Variants in PRDM12 observed in about 807,000 individuals in gnomAD.
PRDM12 encodes PR domain zinc finger protein 12.
PRDM12 carries 17 observed loss-of-function variants against 29.6 expected under a neutral mutation model. The ratio of observed to expected loss-of-function variants is 0.57; its 90% CI spans 0.39 to 0.86. The LOEUF is 0.86. Among genes scored for constraint, PRDM12 ranks in the 40% least tolerant of loss-of-function variants. The probability of loss-of-function intolerance (pLI) is 0.00; values close to 1 mark genes in which losing one functional copy is unlikely to be tolerated. For synonymous variants in PRDM12, 231 were observed against 225.8 expected, an observed-to-expected ratio of 1.02 and a Z score of -0.21; for missense variants, 422 against 510.8, an observed-to-expected ratio of 0.83 and a Z score of 1.68.
chr9:130,667,858 G>C (rs1195557192), intron 2 of PRDM12, among the ~76,000 whole-genome samples: 1 of 152,140 alleles, frequency 6.6e-6, no homozygotes, highest in African/African-American at 2.4e-5. Flanking sequence ...CACTTTGTCT[G>C]GGCAGTGATC....
intron 3 of PRDM12, among the ~76,000 whole-genome samples, chr9:130,677,757 C>G (rs542360005): frequency 6.6e-6 from 1 of 152,300 alleles, no homozygotes; most frequent in South Asian, 2.1e-4. Context: ...GAAGCAGGCC[C>G]CTTACGCCTC....
rs1442337132 is a variant in PRDM12, at chr9:130,682,037, C to T, written c.*368C>T. The T allele has an allele frequency of 6.6e-6, 1 of 152,256 alleles. No homozygotes were observed. Among genetic ancestry groups the T allele is most frequent in the Non-Finnish European group, 1.5e-5 (1 of 68,092 alleles). 9.4% of individuals were successfully genotyped at this position (152,256 alleles called of 1,614,324 possible). A position where few individuals can be genotyped will look rare whatever the true frequency, so the allele number is the denominator to read the frequency against. ...GCGGACTTAGAGCCCCCGAGGGCCC[C>T]TCAGCAGAGGAAGGGGAGTCCCCTC... On this transcript the variant is annotated 3_prime_UTR_variant, in exon 5 of 5. Coordinates refer to ENST00000253008, the MANE Select transcript of PRDM12 (RefSeq NM_021619.3). The surrounding 1 kb of genome is among the most constrained non-coding windows in gnomAD (Gnocchi z 4.2).
chr9:130,671,030 T>C (rs1830784378), intron 3 of PRDM12, among the ~76,000 whole-genome samples: 1 of 152,168 alleles, frequency 6.6e-6, no homozygotes, highest in Non-Finnish European at 1.5e-5. Flanking sequence ...CATCTACATT[T>C]GATCATGAAT....
At chr9:130,669,142 A>G (rs916867396) in intron 3 of PRDM12, among the ~76,000 whole-genome samples, 2 of 151,910 alleles carry the variant, frequency 1.3e-5, no homozygotes, top group African/African-American at 4.8e-5. Context: ...CCTGGCTAAC[A>G]TGGTGAAACC....
chr9:130,676,643 G>A (rs535064976), intron 3 of PRDM12, among the ~76,000 whole-genome samples: 1 of 152,218 alleles, frequency 6.6e-6, no homozygotes, highest in Non-Finnish European at 1.5e-5. Flanking sequence ...GGTCACCAGG[G>A]ATCTCGCTGT....
intron 3 of PRDM12, among the ~76,000 whole-genome samples, chr9:130,677,350 G>A (rs1256777239): frequency 6.6e-6 from 1 of 152,220 alleles, no homozygotes; most frequent in Non-Finnish European, 1.5e-5. Flanking sequence ...TCTGCAGGCT[G>A]AACCAAGCAG....
chr9:130,678,783 A>T, intron 4 of PRDM12, 143 bp downstream of exon 4: 1 of 671,110 alleles, frequency 1.5e-6, no homozygotes, highest in Non-Finnish European at 2.5e-6. Context: ...AGCAGATCAG[A>T]CATACAGGTC....
rs1211809738 is a variant in PRDM12, at chr9:130,664,902, G to T, written c.223+26G>T. 1 of 1,503,004 alleles carries T rather than the reference G, an allele frequency of 6.7e-7. No individual in the cohort carries two copies. Among genetic ancestry groups the T allele is most frequent in the Non-Finnish European group, 8.9e-7 (1 of 1,120,604 alleles). The allele number at this position is 1,503,004 out of a possible 1,614,324, so 93.1% of individuals were successfully genotyped here. A position where few individuals can be genotyped will look rare whatever the true frequency, so the allele number is the denominator to read the frequency against. Reference sequence around the variant, plus strand: ...GTGAGTCCAGCCGTCGGAGCCCGGCGCAATCCCTCCTCCCGGCGACCCCCA... The same window carrying T: ...GTGAGTCCAGCCGTCGGAGCCCGGCTCAATCCCTCCTCCCGGCGACCCCCA... On this transcript the variant is annotated intron_variant, in intron 1 of 4. Coordinates refer to ENST00000253008, the MANE Select transcript of PRDM12 (RefSeq NM_021619.3). This position sits in a 1 kb window ranked among gnomAD's most constrained non-coding sequence, Gnocchi z 6.4.
chr9:130,666,815 G>A lies in PRDM12; in HGVS notation c.414+17G>A, dbSNP rs1830737840. The A allele has an allele frequency of 8.9e-6, 14 of 1,575,036 alleles. No individual in the cohort carries two copies. Among genetic ancestry groups the A allele is most frequent in the South Asian group, 1.1e-5 (1 of 87,784 alleles). On this transcript the variant is annotated intron_variant, in intron 2 of 4. Coordinates refer to ENST00000253008, the MANE Select transcript of PRDM12 (RefSeq NM_021619.3). Reference sequence around the variant, plus strand: ...ATGTGGGAGGTACGCGCGGGCTGGGGCAGAGGGGCGCAAGGGCCGGCGAGG... The same window carrying A: ...ATGTGGGAGGTACGCGCGGGCTGGGACAGAGGGGCGCAAGGGCCGGCGAGG...
chr9:130,676,231 C>T (rs539125769), intron 3 of PRDM12, among the ~76,000 whole-genome samples: 3 of 152,256 alleles, frequency 2.0e-5, no homozygotes, highest in South Asian at 2.1e-4. Flanking sequence ...TGGCTCACAC[C>T]TGTAATCCCA....
Position 130,681,790 on chromosome 9 carries a change from T to G in PRDM12, c.*121T>G. On this transcript the variant is annotated 3_prime_UTR_variant, in exon 5 of 5. Coordinates refer to ENST00000253008, the MANE Select transcript of PRDM12 (RefSeq NM_021619.3). This position sits in a 1 kb window ranked among gnomAD's most constrained non-coding sequence, Gnocchi z 8.1. ...GGCGCCGCCGCGGAGCCCCGCGCGC[T>G]GGGGTTGCGCCCCGGAGGCGGATCT... 1 of 892,046 alleles carries G rather than the reference T, an allele frequency of 1.1e-6. No individual in the cohort carries two copies. The highest frequency in any genetic ancestry group is 1.3e-6 in the Non-Finnish European group (1 of 745,122). The allele number at this position is 892,046 out of a possible 1,614,324, so 55.3% of individuals were successfully genotyped here.
intron 3 of PRDM12, among the ~76,000 whole-genome samples, chr9:130,676,035 G>A (rs1300563334): frequency 6.6e-6 from 1 of 152,186 alleles, no homozygotes; most frequent in Non-Finnish European, 1.5e-5. Flanking sequence ...TGGACCTGGT[G>A]ACAGAGGGCT....
chr9:130,667,844 G>A (rs888656483), intron 2 of PRDM12, among the ~76,000 whole-genome samples: 1 of 152,150 alleles, frequency 6.6e-6, no homozygotes. Flanking sequence ...AGAGAGCTCA[G>A]GGCCACTTTG....
chr9:130,668,805 T>A lies in PRDM12; in HGVS notation c.570+492T>A, dbSNP rs1001877238. ...CTCCAGACTCAGCGATGGCTCCCCG[T>A]GTGTCAGGCTTCTCCCAGATGCTGG... On this transcript the variant is annotated intron_variant, in intron 3 of 4. Transcript: ENST00000253008. The surrounding 1 kb of genome is among the most constrained non-coding windows in gnomAD (Gnocchi z 4.0). Among the ~76,000 whole-genome samples the A allele has an allele frequency of 6.6e-6, 1 of 152,146 alleles. No homozygotes were observed. Among genetic ancestry groups the A allele is most frequent in the Non-Finnish European group, 1.5e-5 (1 of 68,028 alleles).
In PRDM12 at chr9:130,668,283, C is replaced by A; in HGVS notation, c.540C>A (p.Ile180=). Residue 180 remains isoleucine (I), a synonymous_variant, in exon 3 of 5, where the codon ATC becomes ATA. Coordinates refer to ENST00000253008, the MANE Select transcript of PRDM12 (RefSeq NM_021619.3). This position sits in a 1 kb window ranked among gnomAD's most constrained non-coding sequence, Gnocchi z 4.0. ...EQEQNLEVVQ[I]GTSIFYKAIE... is the part of the protein sequence containing the mutation. ...AGCAGAACCTGGAGGTGGTCCAGAT[C>A]GGCACCAGCATCTTCTACAAGGCCA... is the stretch of plus-strand genomic sequence containing the variant. 1 of 1,614,052 alleles carries A rather than the reference C, an allele frequency of 6.2e-7. No individual in the cohort carries two copies. Among genetic ancestry groups the A allele is most frequent in the Non-Finnish European group, 8.5e-7 (1 of 1,180,010 alleles).
chr9:130,668,367 G>C lies in PRDM12; in HGVS notation c.570+54G>C. On this transcript the variant is annotated intron_variant, in intron 3 of 4. Transcript: ENST00000253008. The surrounding 1 kb of genome is among the most constrained non-coding windows in gnomAD (Gnocchi z 4.0). ...AGGGACCAGCCGGTAAACCCGGCGG[G>C]GGGAGGTGTGCAGGGCAGCGGTGTC... The C allele has an allele frequency of 6.2e-7, 1 of 1,605,970 alleles. No homozygotes were observed. Among genetic ancestry groups the C allele is most frequent in the Non-Finnish European group, 8.5e-7 (1 of 1,174,108 alleles).
chr9:130,673,305 G>C (rs1033325768), intron 3 of PRDM12, among the ~76,000 whole-genome samples: 1 of 152,206 alleles, frequency 6.6e-6, no homozygotes, highest in African/African-American at 2.4e-5. Context: ...CAGGGAAGAA[G>C]CTGCAGGTTC....
intron 4 of PRDM12, among the ~76,000 whole-genome samples, chr9:130,678,884 G>A (rs1288472710): frequency 2.0e-5 from 3 of 152,168 alleles, no homozygotes; most frequent in Non-Finnish European, 4.4e-5. Context: ...GACTGTCTGG[G>A]GGGTATGTGG....
chr9:130,678,967 T>C (rs893070020), intron 4 of PRDM12, among the ~76,000 whole-genome samples: 2 of 152,202 alleles, frequency 1.3e-5, no homozygotes, highest in Non-Finnish European at 2.9e-5. Flanking sequence ...GATTGAGTTC[T>C]AGTTCTGCTG....
Sources: allele counts gnomAD v4.1 joint callset (sites outside exome capture counted in the v4.1 genomes callset), GRCh38; gene constraint gnomAD v4.1.1; non-coding constraint Gnocchi (gnomAD v3.1); transcripts MANE v1.5; gene names NCBI Gene and HGNC (gene_info 2026-07-23, HGNC 2026-07-21).